Variants in SLC9A9 observed in about 807,000 individuals in gnomAD.
The protein encoded by SLC9A9 is sodium/hydrogen exchanger 9.
In SLC9A9, 62 loss-of-function variants were observed where a neutral mutation model predicts 77.8. The ratio of observed to expected loss-of-function variants is 0.80; its 90% confidence interval spans 0.65 to 0.98. SLC9A9 has a LOEUF of 0.98. Ranked by LOEUF, SLC9A9 falls within the 50% of genes least tolerant of loss-of-function variation. SLC9A9 has a pLI of 0.00. For synonymous variants in SLC9A9, 320 were observed against 283.5 expected, an observed-to-expected ratio of 1.13 and a Z score of -1.29; for missense variants, 775 against 774.9, an observed-to-expected ratio of 1.00 and a Z score of 0.00.
At chr3:143,500,254 A>G (rs1404398861) in intron 9 of SLC9A9, among the ~76,000 whole-genome samples, 1 of 151,974 alleles carries the variant, frequency 6.6e-6, no homozygotes, top group Non-Finnish European at 1.5e-5. Context: ...ACATTTTTGT[A>G]TTTTTTGGCA....
chr3:143,596,023 G>A (rs1006420301), intron 6 of SLC9A9, among the ~76,000 whole-genome samples: 6 of 152,118 alleles, frequency 3.9e-5, no homozygotes, highest in African/African-American at 1.4e-4. Flanking sequence ...ATGAGATGGA[G>A]GGTTTTTGCA....
intron 12 of SLC9A9, among the ~76,000 whole-genome samples, chr3:143,461,690 T>C (rs1463327942): frequency 6.6e-6 from 1 of 152,204 alleles, no homozygotes; most frequent in Non-Finnish European, 1.5e-5. Flanking sequence ...CTCCACAGTA[T>C]ATGTGTGTAT....
At chr3:143,282,673 C>T (rs1318970757) in intron 14 of SLC9A9, among the ~76,000 whole-genome samples, 5 of 152,108 alleles carry the variant, frequency 3.3e-5, no homozygotes, top group Admixed American at 3.3e-4. Context: ...GCTCCAGCAG[C>T]CATTTTGGGC....
chr3:143,550,352 A>G (rs890976834), intron 9 of SLC9A9, among the ~76,000 whole-genome samples: 10 of 152,168 alleles, frequency 6.6e-5, no homozygotes, highest in Non-Finnish European at 1.3e-4. Context: ...AGATTGCATC[A>G]TTCAGTCCAA....
intron 1 of SLC9A9, among the ~76,000 whole-genome samples, chr3:143,833,757 G>T (rs963982202): frequency 6.6e-6 from 1 of 152,196 alleles, no homozygotes; most frequent in African/African-American, 2.4e-5. Context: ...ACCAGTGGAA[G>T]AATGTTGGGA....
At chr3:143,464,630 C>T (rs963729252) in intron 12 of SLC9A9, among the ~76,000 whole-genome samples, 7 of 152,114 alleles carry the variant, frequency 4.6e-5, no homozygotes, top group Admixed American at 6.5e-5. Flanking sequence ...TCTCCACTAG[C>T]GGTAGGAAGT....
At chr3:143,582,273 C>A (rs931032272) in intron 6 of SLC9A9, among the ~76,000 whole-genome samples, 2 of 152,154 alleles carry the variant, frequency 1.3e-5, no homozygotes, top group Non-Finnish European at 2.9e-5. Context: ...GAATCATTTA[C>A]CTCATCTGTA....
At chr3:143,442,270 A>C (rs928578727) in intron 12 of SLC9A9, among the ~76,000 whole-genome samples, 1 of 152,274 alleles carries the variant, frequency 6.6e-6, no homozygotes, top group African/African-American at 2.4e-5. Context: ...ACAGAGCAGC[A>C]TCTCAGTGGA....
rs1419400655 is a variant in SLC9A9, at chr3:143,266,112, A to G, written c.*590T>C. On this transcript the variant is annotated 3_prime_UTR_variant, in exon 16 of 16. Coordinates refer to ENST00000316549, the MANE Select transcript of SLC9A9 (RefSeq NM_173653.4). ...TAGCATAAGAAGGATGCCAAGAAGA[A>G]CAATAGGTTCTTCAACTCAGTGTGG... 3 of 702,160 alleles carry G rather than the reference A, an allele frequency of 4.3e-6. No individual in the cohort carries two copies. The highest frequency in any genetic ancestry group is 1.7e-5 in the African/African-American group (1 of 57,244). The allele number at this position is 702,160 out of a possible 1,614,324, so 43.5% of individuals were successfully genotyped here.
chr3:143,387,411 A>G (rs1431473082), intron 12 of SLC9A9, among the ~76,000 whole-genome samples: 6 of 152,188 alleles, frequency 3.9e-5, no homozygotes. Context: ...TAGAAAATAT[A>G]GAGAAATAAA....
At chr3:143,334,758 T>C (rs1047080501) in intron 14 of SLC9A9, among the ~76,000 whole-genome samples, 2 of 152,144 alleles carry the variant, frequency 1.3e-5, no homozygotes, top group African/African-American at 4.8e-5. Flanking sequence ...TACAACTATA[T>C]ATATTAGCTA....
intron 6 of SLC9A9, among the ~76,000 whole-genome samples, chr3:143,618,150 G>A (rs1192528102): frequency 6.6e-6 from 1 of 152,162 alleles, no homozygotes; most frequent in African/African-American, 2.4e-5. Flanking sequence ...GGAACCGTGG[G>A]AGGAAAAGCA....
At chr3:143,822,084 G>T (rs2009180597) in intron 2 of SLC9A9, among the ~76,000 whole-genome samples, 1 of 152,194 alleles carries the variant, frequency 6.6e-6, no homozygotes, top group African/African-American at 2.4e-5. Context: ...GAGCAATTTG[G>T]TGTTTTAGAG....
At chr3:143,404,793 A>T (rs1241401857) in intron 12 of SLC9A9, among the ~76,000 whole-genome samples, 2 of 152,188 alleles carry the variant, frequency 1.3e-5, no homozygotes, top group African/African-American at 2.4e-5. Context: ...GCTTGCCTAG[A>T]CAAATTGTTG....
intron 14 of SLC9A9, among the ~76,000 whole-genome samples, chr3:143,352,585 C>G (rs2032487954): frequency 7.5e-6 from 1 of 133,176 alleles, no homozygotes; most frequent in Non-Finnish European, 1.5e-5. Context: ...ACTGATCTGG[C>G]TTTTTAGCTA....
chr3:143,518,535 C>T (rs2036242468), intron 9 of SLC9A9, among the ~76,000 whole-genome samples: 1 of 152,186 alleles, frequency 6.6e-6, no homozygotes, highest in South Asian at 2.1e-4. Context: ...AATTACTGTC[C>T]TAAATTTTGT....
At chr3:143,368,896 A>C (rs926312998) in intron 13 of SLC9A9, among the ~76,000 whole-genome samples, 42 of 152,212 alleles carry the variant, frequency 2.8e-4, no homozygotes, top group African/African-American at 9.2e-4. Context: ...TTTCAAATTT[A>C]CATTTTAAAA....
At chr3:143,794,103 C>T (rs2008300957) in intron 4 of SLC9A9, among the ~76,000 whole-genome samples, 1 of 152,192 alleles carries the variant, frequency 6.6e-6, no homozygotes. Flanking sequence ...CCTCTGCTTA[C>T]AGGCACAAGT....
chr3:143,630,660 G>A (rs747785046), intron 6 of SLC9A9, among the ~76,000 whole-genome samples: 1 of 152,054 alleles, frequency 6.6e-6, no homozygotes, highest in Non-Finnish European at 1.5e-5. Context: ...ATTTGAGGGG[G>A]AAAATGGAAT....
Sources: gnomAD v4.1 joint callset for allele counts (sites outside exome capture counted in the v4.1 genomes callset) on GRCh38, gnomAD v4.1.1 for gene constraint, MANE v1.5 for transcripts, NCBI Gene and HGNC (gene_info 2026-07-23, HGNC 2026-07-21) for gene names.